FOXK1: variants seen among roughly 807,000 people sequenced by gnomAD.
FOXK1 encodes forkhead box K1.
In FOXK1, 19 loss-of-function variants were observed where a neutral mutation model predicts 51.9. That is an observed-to-expected ratio of 0.37 (90% CI 0.26 to 0.54). FOXK1 has a LOEUF of 0.54. Ranked by LOEUF, FOXK1 falls within the 20% of genes least tolerant of loss-of-function variation. The pLI, the probability that FOXK1 is intolerant of heterozygous loss-of-function variation, is 0.87. For missense variants in FOXK1, 870 were observed against 1,032.7 expected, an observed-to-expected ratio of 0.84 and a Z score of 2.16; for synonymous variants, 537 against 482.6, an observed-to-expected ratio of 1.11 and a Z score of -1.48.
chr7:4,686,873 GGTGTGTGTGTGCACAT>G (rs1312092952), intron 1 of FOXK1, among the ~76,000 whole-genome samples: 1 of 151,474 alleles, frequency 6.6e-6, no homozygotes, highest in Non-Finnish European at 1.5e-5. Context: ...AGGGGGGTGA[GGTGTGTGTGTGCACAT>G]GTGTGTGTGT....
intron 1 of FOXK1, among the ~76,000 whole-genome samples, chr7:4,695,994 C>T (rs1779946585): frequency 6.7e-6 from 1 of 150,330 alleles, no homozygotes; most frequent in African/African-American, 2.5e-5. Context: ...CGTGCACCTG[C>T]AATCCCAACT....
rs1045922456 is a variant in FOXK1 at position 4,707,251 on chromosome 7, T to C, written c.560+24383T>C. 1.3e-5 allele frequency among the ~76,000 whole-genome samples: 2 copies of C among 152,070 alleles called. No homozygotes were observed. The highest frequency in any genetic ancestry group is 2.9e-5 in the Non-Finnish European group (2 of 68,024). ...GGAGCTCAGGGCGTTCGGGGTGGTG[T>C]TCTGGTGGAGGGGACGCTGGTAAAG... On this transcript the variant is annotated intron_variant, in intron 1 of 8. Coordinates refer to ENST00000328914, the MANE Select transcript of FOXK1 (RefSeq NM_001037165.2). This position sits in a 1 kb window ranked among gnomAD's most constrained non-coding sequence, Gnocchi z 4.1.
In FOXK1 at chr7:4,711,298, G is replaced by A. The variant is rs1025315658; in HGVS notation, c.560+28430G>A. ...TGAGTGTCCTGGGAAGCGTCCATGG[G>A]ATGTATCAGTCAGGGAGGCTGGGCG... is the stretch of plus-strand genomic sequence containing the variant. On this transcript the variant is annotated intron_variant, in intron 1 of 8. Transcript: ENST00000328914. The surrounding 1 kb of genome is among the most constrained non-coding windows in gnomAD (Gnocchi z 6.3). 2.6e-5 allele frequency among the ~76,000 whole-genome samples: 4 copies of A among 152,150 alleles called. No homozygotes were observed. The highest frequency in any genetic ancestry group is 5.9e-5 in the Non-Finnish European group (4 of 68,028).
intron 1 of FOXK1, among the ~76,000 whole-genome samples, chr7:4,713,993 A>C (rs995111460): frequency 4.7e-5 from 7 of 148,154 alleles, no homozygotes; most frequent in African/African-American, 1.8e-4. Flanking sequence ...CGTCCGGCTA[A>C]TTTTTTGTAT....
chr7:4,720,082 C>A (rs1780289590), intron 1 of FOXK1, among the ~76,000 whole-genome samples: 1 of 152,092 alleles, frequency 6.6e-6, no homozygotes, highest in African/African-American at 2.4e-5. Flanking sequence ...TCACCAAGCC[C>A]CAGGTCCTGA....
At chr7:4,746,381 G>C (rs1780702206) in intron 2 of FOXK1, among the ~76,000 whole-genome samples, 2 of 152,134 alleles carry the variant, frequency 1.3e-5, no homozygotes, top group African/African-American at 4.8e-5. Flanking sequence ...GTAGCTTCCT[G>C]CAGGGTGATT....
chr7:4,753,229 T>G lies in FOXK1; in HGVS notation c.747-1230T>G, dbSNP rs1431460369. On this transcript the variant is annotated intron_variant, in intron 2 of 8. Transcript: ENST00000328914. The surrounding 1 kb of genome is among the most constrained non-coding windows in gnomAD (Gnocchi z 4.9). ...TTTCTCAGCCACAGGATTTTTTTCATTCATTCCTCTGCTCCATCCAAAAAA... is the reference window on the plus strand; with the variant it reads ...TTTCTCAGCCACAGGATTTTTTTCAGTCATTCCTCTGCTCCATCCAAAAAA... Among the ~76,000 whole-genome samples, 1 of 152,192 alleles carries G rather than the reference T, an allele frequency of 6.6e-6. No individual in the cohort carries two copies. Among genetic ancestry groups the G allele is most frequent in the African/African-American group, 2.4e-5 (1 of 41,454 alleles).
chr7:4,761,248 G>A lies in FOXK1; in HGVS notation c.1881G>A (p.Lys627=), dbSNP rs1270083670. The change falls in exon 8 of 9, where the codon AAG becomes AAA. Residue 627 remains lysine, a synonymous_variant. Coordinates refer to ENST00000328914, the MANE Select transcript of FOXK1 (RefSeq NM_001037165.2). The surrounding 1 kb of genome is among the most constrained non-coding windows in gnomAD (Gnocchi z 6.2). The part of the protein sequence containing the change: ...LPVRAVTQNG[K]HAVPTNSLAG... ...TCCGGGCCGTGACCCAGAACGGAAA[G>A]CATGCGGTTCCCACGAACAGTTTAG... 1 of 1,613,010 alleles carries A rather than the reference G, an allele frequency of 6.2e-7. No homozygotes were observed. Among genetic ancestry groups the A allele is most frequent in the Non-Finnish European group, 8.5e-7 (1 of 1,180,040 alleles).
rs11980294 is a variant in FOXK1, at chr7:4,759,669, G to A, written c.1696+74G>A. The A allele has an allele frequency of 1.9e-3, 2,713 of 1,461,038 alleles. 44 individuals are homozygous for A. The African/African-American group carries it at 0.033, about 18-fold the overall frequency. The allele number at this position is 1,461,038 out of a possible 1,614,324, so 90.5% of individuals were successfully genotyped here. ...CCGGCCGGCAAGTCCCCAAGGCAGC[G>A]CCATTGGCCTGGGCCTGGGGCTTGA... On this transcript the variant is annotated intron_variant, in intron 7 of 8. Transcript: ENST00000328914.
chr7:4,715,769 G>T lies in FOXK1; in HGVS notation c.561-25069G>T, dbSNP rs765842698. Among the ~76,000 whole-genome samples the T allele has an allele frequency of 6.6e-6, 1 of 152,142 alleles. No individual in the cohort carries two copies. The highest frequency in any genetic ancestry group is 2.1e-4 in the South Asian group (1 of 4,828). Reference sequence around the variant, plus strand: ...GGGCACCCTGAGGTTCCCTCACAGCGAATCCACCGAAGAGCGCTCCCATCC... The same window carrying T: ...GGGCACCCTGAGGTTCCCTCACAGCTAATCCACCGAAGAGCGCTCCCATCC... On this transcript the variant is annotated intron_variant, in intron 1 of 8. Transcript: ENST00000328914. The surrounding 1 kb of genome is among the most constrained non-coding windows in gnomAD (Gnocchi z 4.5).
chr7:4,684,662 C>T (rs1779796635), intron 1 of FOXK1, among the ~76,000 whole-genome samples: 1 of 152,106 alleles, frequency 6.6e-6, no homozygotes, highest in Non-Finnish European at 1.5e-5. Context: ...AGGTAGGCTC[C>T]CCAGGCCCCC....
rs569415282 is a variant in FOXK1 at position 4,765,382 on chromosome 7, G to C, written c.*2918G>C. The stretch of plus-strand genomic sequence containing the variant: ...CTCCCAGCCAGGCGCTTTCGCAGAA[G>C]CAAGAGCACAGGCCAGGGGGACCGG... On this transcript the variant is annotated 3_prime_UTR_variant, in exon 9 of 9. Transcript: ENST00000328914. 2 of 152,408 alleles carry C rather than the reference G, an allele frequency of 1.3e-5. No homozygotes were observed. Among genetic ancestry groups the C allele is most frequent in the East Asian group, 3.9e-4 (2 of 5,178 alleles). 9.4% of individuals were successfully genotyped at this position (152,408 alleles called of 1,614,324 possible).
intron 1 of FOXK1, among the ~76,000 whole-genome samples, chr7:4,738,764 G>A (rs933242661): frequency 8.5e-5 from 13 of 152,140 alleles, no homozygotes; most frequent in African/African-American, 2.9e-4. Flanking sequence ...GCCTGACAGC[G>A]CCTGGCACTG....
At chr7:4,750,250 C>G (rs752204589) in intron 2 of FOXK1, among the ~76,000 whole-genome samples, 6 of 152,142 alleles carry the variant, frequency 3.9e-5, no homozygotes, top group Non-Finnish European at 8.8e-5. Context: ...GCCTCTGCGT[C>G]CCACACCTGG....
chr7:4,717,089 G>C (rs1562376998), intron 1 of FOXK1, among the ~76,000 whole-genome samples: 2 of 150,898 alleles, frequency 1.3e-5, no homozygotes, highest in African/African-American at 4.9e-5. Flanking sequence ...GTGGTGGCGG[G>C]AGGCACGTGG....
rs373887374 is a variant in FOXK1, at chr7:4,762,219, G to A, written c.1957G>A (p.Ala653Thr). Reference protein sequence around the residue: ...TSPLQLLATQASSSAPVVVTR... With the variant: ...TSPLQLLATQTSSSAPVVVTR... ...CCCTTTGCAGCTCCTTGCGACCCAA[G>A]CGAGTTCATCCGCGCCGGTGGTGGT... The change falls in exon 9 of 9, where the codon GCG (alanine) becomes ACG (threonine). Residue 653 changes from alanine to threonine, a missense_variant. This residue lies in a region of FOXK1 where 457 missense variants were observed against 510.8 expected (regional missense o/e 0.89). Coordinates refer to ENST00000328914, the MANE Select transcript of FOXK1 (RefSeq NM_001037165.2). This position sits in a 1 kb window ranked among gnomAD's most constrained non-coding sequence, Gnocchi z 5.7. 1 of 1,555,578 alleles carries A rather than the reference G, an allele frequency of 6.4e-7. No homozygotes were observed. The highest frequency in any genetic ancestry group is 8.7e-7 in the Non-Finnish European group (1 of 1,148,974).
chr7:4,695,843 G>A (rs549077995), intron 1 of FOXK1, among the ~76,000 whole-genome samples: 1 of 151,646 alleles, frequency 6.6e-6, no homozygotes, highest in South Asian at 2.1e-4. Context: ...GGCTGAGGCA[G>A]GAGAATTGCT....
At chr7:4,716,734 G>C (rs936807587) in intron 1 of FOXK1, among the ~76,000 whole-genome samples, 9 of 152,252 alleles carry the variant, frequency 5.9e-5, no homozygotes, top group Non-Finnish European at 1.5e-5. Context: ...CTTGGAAGCT[G>C]TGTGAGAGGG....
At chr7:4,746,738 G>T (rs1006634126) in intron 2 of FOXK1, among the ~76,000 whole-genome samples, 4 of 152,214 alleles carry the variant, frequency 2.6e-5, no homozygotes, top group African/African-American at 9.6e-5. Context: ...CCTTCCGTGT[G>T]TTTTCAGCAG....
Sources: gnomAD v4.1 joint callset for allele counts (sites outside exome capture counted in the v4.1 genomes callset) on GRCh38, gnomAD v4.1.1 for gene constraint, gnomAD v4.1.1 regional missense constraint, Gnocchi (gnomAD v3.1) non-coding constraint, MANE v1.5 for transcripts, NCBI Gene and HGNC (gene_info 2026-07-23, HGNC 2026-07-21) for gene names.